Variants in ANO5 observed in about 807,000 individuals in gnomAD.
The protein encoded by ANO5 is anoctamin-5.
In ANO5, 109 loss-of-function variants were observed where a neutral mutation model predicts 121.0. The observed-to-expected ratio is 0.90, with a 90% CI of 0.77 to 1.06. The LOEUF is 1.06. Among genes scored for constraint, ANO5 ranks in the 50% least tolerant of loss-of-function variants. The pLI is 0.00. For synonymous variants in ANO5, 406 were observed against 359.9 expected (o/e 1.13, Z -1.45); for missense variants, 1,064 against 1,078.5 (o/e 0.99, Z 0.19).
At chr11:22,203,366 G>C (rs1023445196) in intron 1 of ANO5, among the ~76,000 whole-genome samples, 1 of 152,124 alleles carries the variant, frequency 6.6e-6, no homozygotes, top group Non-Finnish European at 1.5e-5. Context: ...ACTCTGGCCT[G>C]TGTAGAAACT....
intron 19 of ANO5, among the ~76,000 whole-genome samples, chr11:22,273,944 T>A (rs551397036): frequency 4.1e-4 from 62 of 151,990 alleles, no homozygotes; most frequent in African/African-American, 1.4e-3. Context: ...AGATTTTTTT[T>A]AAAGCGTAGC....
chr11:22,275,451 G>C (rs1198749448), intron 20 of ANO5, among the ~76,000 whole-genome samples: 1 of 151,870 alleles, frequency 6.6e-6, no homozygotes, highest in Middle Eastern at 3.2e-3. Context: ...TTTGAGTATA[G>C]TTAAATCATA....
chr11:22,212,013 A>T (rs1221797116), intron 3 of ANO5, among the ~76,000 whole-genome samples: 1 of 150,736 alleles, frequency 6.6e-6, no homozygotes, highest in East Asian at 1.9e-4. Flanking sequence ...TTTTTACTAC[A>T]TAAAGCATTT....
chr11:22,214,566 G>A (rs957450185), intron 3 of ANO5, among the ~76,000 whole-genome samples: 1 of 151,878 alleles, frequency 6.6e-6, no homozygotes, highest in Non-Finnish European at 1.5e-5. Context: ...GAAGGGAATA[G>A]GGTAAGGAGA....
intron 17 of ANO5, 151 bp downstream of exon 17, chr11:22,263,194 G>A: frequency 3.3e-6 from 2 of 606,968 alleles, no homozygotes; most frequent in Non-Finnish European, 5.7e-6. Context: ...AGTGAAGGTT[G>A]CATTAAAGTA....
chr11:22,273,698 T>G (rs1466824635), intron 19 of ANO5, among the ~76,000 whole-genome samples: 1 of 151,834 alleles, frequency 6.6e-6, no homozygotes, highest in African/African-American at 2.4e-5. Context: ...TCAGAAATAA[T>G]CAAATTAGAA....
chr11:22,239,008 T>C (rs1853331554), intron 8 of ANO5, among the ~76,000 whole-genome samples: 1 of 152,144 alleles, frequency 6.6e-6, no homozygotes. Context: ...ATATTAATAA[T>C]ATTAGTCAGT....
intron 3 of ANO5, among the ~76,000 whole-genome samples, chr11:22,214,888 T>C (rs1417637256): frequency 6.6e-6 from 1 of 151,982 alleles, no homozygotes; most frequent in Non-Finnish European, 1.5e-5. Flanking sequence ...ACAGAAACTC[T>C]ATATCAATTA....
At chr11:22,220,742 G>A (rs945160914) in intron 4 of ANO5, among the ~76,000 whole-genome samples, 1 of 151,970 alleles carries the variant, frequency 6.6e-6, no homozygotes, top group African/African-American at 2.4e-5. Flanking sequence ...CCCCAAAGTT[G>A]TGTGTAGCCA....
At chr11:22,219,244 C>A (rs969070904) in intron 4 of ANO5, among the ~76,000 whole-genome samples, 3 of 151,928 alleles carry the variant, frequency 2.0e-5, no homozygotes, top group Admixed American at 6.6e-5. Context: ...TCCTAGCTAG[C>A]CTTTGGCTTT....
intron 7 of ANO5, among the ~76,000 whole-genome samples, chr11:22,228,310 G>A (rs1483593805): frequency 3.3e-5 from 5 of 151,824 alleles, no homozygotes; most frequent in African/African-American, 1.2e-4. Flanking sequence ...GGCTTTCAGA[G>A]GGAAAAAAAT....
intron 4 of ANO5, among the ~76,000 whole-genome samples, chr11:22,220,639 A>T (rs10766922): frequency 0.67 from 102,015 of 151,802 alleles, 36,425 homozygotes; most frequent in Non-Finnish European, 0.81. Context: ...TGAATTAGGA[A>T]GTGACAATTT....
At chr11:22,219,865 T>TG (rs1237085881) in intron 4 of ANO5, among the ~76,000 whole-genome samples, 12 of 151,226 alleles carry the variant, frequency 7.9e-5, no homozygotes, top group South Asian at 2.1e-4. Context: ...TACTGTATCT[T>TG]GGCACTTAAT....
intron 21 of ANO5, among the ~76,000 whole-genome samples, chr11:22,278,577 G>A (rs1854956641): frequency 6.9e-6 from 1 of 145,106 alleles, no homozygotes; most frequent in Non-Finnish European, 1.5e-5. Flanking sequence ...TACATATTTG[G>A]TGGTTCTGCT....
intron 21 of ANO5, among the ~76,000 whole-genome samples, chr11:22,277,174 A>T (rs902065359): frequency 2.6e-5 from 4 of 151,304 alleles, no homozygotes; most frequent in African/African-American, 7.3e-5. Context: ...ACTTTGGCAG[A>T]TCTCACACAC....
intron 7 of ANO5, among the ~76,000 whole-genome samples, chr11:22,228,564 G>A (rs765507843): frequency 1.3e-5 from 2 of 151,782 alleles, no homozygotes; most frequent in African/African-American, 2.4e-5. Flanking sequence ...ATCCTACTAT[G>A]CAATAGAACA....
At chr11:22,236,113 A>G (rs905389416) in intron 7 of ANO5, 50 bp from the exon 8 acceptor site, 2 of 1,195,084 alleles carry the variant, frequency 1.7e-6, no homozygotes, top group African/African-American at 3.0e-5. Flanking sequence ...GAAATGTGGA[A>G]AGCATAAAGT....
intron 3 of ANO5, among the ~76,000 whole-genome samples, chr11:22,215,660 C>T (rs750605359): frequency 6.6e-6 from 1 of 151,888 alleles, no homozygotes; most frequent in Non-Finnish European, 1.5e-5. Context: ...CTTTTCGTTG[C>T]TCACATCAGA....
intron 8 of ANO5, among the ~76,000 whole-genome samples, chr11:22,238,935 C>A (rs2133660518): frequency 6.6e-6 from 1 of 152,096 alleles, no homozygotes; most frequent in South Asian, 2.1e-4. Context: ...CATTTGTCTG[C>A]AGTAAAAACA....
Sources: gnomAD v4.1 joint callset for allele counts (sites outside exome capture counted in the v4.1 genomes callset) on GRCh38, gnomAD v4.1.1 for gene constraint, MANE v1.5 for transcripts, NCBI Gene and HGNC (gene_info 2026-07-23, HGNC 2026-07-21) for gene names.